OSGIN2: variants seen among roughly 807,000 people sequenced by gnomAD.
OSGIN2 encodes oxidative stress-induced growth inhibitor 2.
In OSGIN2, 19 loss-of-function variants were observed where a neutral mutation model predicts 53.8. The observed-to-expected ratio is 0.35, with a 90% confidence interval of 0.25 to 0.52. The LOEUF (loss-of-function observed/expected upper bound fraction) is 0.52, where lower values mean the gene tolerates loss of function less well. Ranked by LOEUF, OSGIN2 falls within the 20% of genes least tolerant of loss-of-function variation. The probability of loss-of-function intolerance (pLI) is 0.95; values close to 1 mark genes in which losing one functional copy is unlikely to be tolerated. For missense variants in OSGIN2, 520 were observed against 662.7 expected (o/e 0.78, Z 2.36); for synonymous variants, 236 against 236.0 (o/e 1.00, Z 0.00).
At chr8:89,914,481 A>G in intron 3 of OSGIN2, 74 bp from the exon 4 acceptor site, 1 of 1,105,772 alleles carries the variant, frequency 9.0e-7, no homozygotes, top group African/African-American at 1.6e-5. Context: ...TTGGAGCATC[A>G]TGGTAAGCAT....
rs114408839 is a variant in OSGIN2 at position 89,909,671 on chromosome 8, A to C, written c.149A>C (p.Glu50Ala). The change falls in exon 2 of 6, where the codon GAA becomes GCA. Residue 50 changes from glutamate (E) to alanine (A), a missense_variant. Transcript: ENST00000451899. ...RKVKAMPLVE[E>A]TSLLEDSSVT... ...GTTAAAGCGATGCCATTAGTTGAAG[A>C]AACTTCTTTACTGGAAGATTCGTCA... 4.3e-6 allele frequency: 7 copies of C among 1,610,982 alleles called. No individual in the cohort carries two copies. Among genetic ancestry groups the C allele is most frequent in the Non-Finnish European group, 5.1e-6 (6 of 1,177,800 alleles).
At position 89,914,652 on chromosome 8, in the gene OSGIN2, A is replaced by G; in HGVS notation, c.434A>G (p.Tyr145Cys). 1.9e-6 allele frequency: 3 copies of G among 1,613,912 alleles called. No individual in the cohort carries two copies. Among genetic ancestry groups the G allele is most frequent in the Non-Finnish European group, 2.5e-6 (3 of 1,179,778 alleles). Residue 145 changes from tyrosine (Y) to cysteine (C), a missense_variant, in exon 4 of 6, where the codon TAT becomes TGT. Physicochemically the swap from Tyr to Cys is radical, Grantham distance 194 (BLOSUM62 -2). Coordinates refer to ENST00000451899, the MANE Select transcript of OSGIN2 (RefSeq NM_001126111.3). The part of the protein sequence containing the change: ...TLLHPDADFG[Y>C]DYPSVLHWKL... Reference sequence around the variant, plus strand: ...CTTCATCCAGATGCTGACTTTGGGTATGATTATCCATCCGTTTTGCATTGG... The same window carrying G: ...CTTCATCCAGATGCTGACTTTGGGTGTGATTATCCATCCGTTTTGCATTGG...
At chr8:89,922,092 A>T (rs1809217936) in intron 5 of OSGIN2, among the ~76,000 whole-genome samples, 1 of 152,242 alleles carries the variant, frequency 6.6e-6, no homozygotes, top group Non-Finnish European at 1.5e-5. Context: ...ATCATTTTCA[A>T]GGATAGTAAA....
chr8:89,903,223 G>A (rs544301897), intron 1 of OSGIN2, among the ~76,000 whole-genome samples: 4 of 152,188 alleles, frequency 2.6e-5, no homozygotes, highest in African/African-American at 9.7e-5. Context: ...TGTAATGAGT[G>A]GAAGGAAGGT....
At chr8:89,918,313 G>C (rs1220513887) in intron 4 of OSGIN2, among the ~76,000 whole-genome samples, 1 of 151,866 alleles carries the variant, frequency 6.6e-6, no homozygotes, top group South Asian at 2.1e-4. Flanking sequence ...TGTTGTTGTT[G>C]TTTTTGAGAG....
At chr8:89,921,385 G>T (rs914079202) in intron 5 of OSGIN2, 3 of 413,486 alleles carry the variant, frequency 7.3e-6, no homozygotes, top group South Asian at 5.0e-5. Context: ...TTGCAGATTG[G>T]TTTCCTGTGA....
At chr8:89,902,553 G>T (rs1808740312), upstream of OSGIN2, 1 of 153,158 alleles carries the variant, frequency 6.5e-6, no homozygotes, top group Non-Finnish European at 1.4e-5. Context: ...CTATCGCGGC[G>T]CCCCGAGATC....
At chr8:89,918,735 T>C (rs1435638769) in intron 4 of OSGIN2, among the ~76,000 whole-genome samples, 1 of 152,216 alleles carries the variant, frequency 6.6e-6, no homozygotes, top group Non-Finnish European at 1.5e-5. Context: ...GTCCCTTCAA[T>C]TTCCTTGTCA....
intron 4 of OSGIN2, among the ~76,000 whole-genome samples, chr8:89,916,994 C>A (rs1201344299): frequency 6.6e-6 from 1 of 152,186 alleles, no homozygotes; most frequent in East Asian, 1.9e-4. Context: ...CAGACTGTCT[C>A]CAGACTGTCT....
chr8:89,918,708 A>T lies in OSGIN2; in HGVS notation c.529-2372A>T, dbSNP rs78213156. ...CTCAGACTCAACGTACCTAAAACTA[A>T]CTATCTTTATCATCAAGTCCCTTCA... On this transcript the variant is annotated intron_variant, in intron 4 of 5. Transcript: ENST00000451899. 2.8e-3 allele frequency among the ~76,000 whole-genome samples: 427 copies of T among 152,284 alleles called. 2 individuals carry two copies. The highest frequency in any genetic ancestry group is 1.0e-2 in the African/African-American group (414 of 41,552).
chr8:89,905,867 A>C (rs1760060458), intron 1 of OSGIN2, among the ~76,000 whole-genome samples: 1 of 152,242 alleles, frequency 6.6e-6, no homozygotes, highest in Admixed American at 6.5e-5. Context: ...CAACATACAA[A>C]AGTGAATTGT....
At chr8:89,903,075 T>C (rs1808760872) in intron 1 of OSGIN2, among the ~76,000 whole-genome samples, 1 of 152,164 alleles carries the variant, frequency 6.6e-6, no homozygotes, top group Non-Finnish European at 1.5e-5. Flanking sequence ...GTCACGGGAC[T>C]GCGGGATCGG....
intron 1 of OSGIN2, among the ~76,000 whole-genome samples, chr8:89,907,947 G>A (rs966455403): frequency 1.3e-5 from 2 of 152,116 alleles, no homozygotes; most frequent in Admixed American, 1.3e-4. Flanking sequence ...ATTTCATTGA[G>A]CAGTGGTTTG....
At chr8:89,914,484 G>A in intron 3 of OSGIN2, 71 bp from the exon 4 acceptor site, 1 of 1,137,130 alleles carries the variant, frequency 8.8e-7, no homozygotes, top group Non-Finnish European at 1.3e-6. Context: ...GAGCATCATG[G>A]TAAGCATTAG....
At chr8:89,907,224 T>C (rs1019668969) in intron 1 of OSGIN2, among the ~76,000 whole-genome samples, 3 of 152,186 alleles carry the variant, frequency 2.0e-5, no homozygotes, top group African/African-American at 4.8e-5. Context: ...GTTTACTCTG[T>C]TGATAGTTTC....
rs766876481 is a variant in OSGIN2 at position 89,925,551 on chromosome 8, TA to T, written c.*23del. 1.5e-5 allele frequency: 24 copies of T among 1,584,430 alleles called. No individual in the cohort carries two copies. Among genetic ancestry groups the T allele is most frequent in the Non-Finnish European group, 2.0e-5 (23 of 1,158,678 alleles). ...AGCTTAAAGCAAGTTTACAAGTAAT[TA>T]AAATGGACAGTTTGCCATTAAAGAT... On this transcript the variant is annotated 3_prime_UTR_variant, in exon 6 of 6. Transcript: ENST00000451899.
intron 2 of OSGIN2, among the ~76,000 whole-genome samples, chr8:89,910,285 A>G (rs1024869436): frequency 2.0e-5 from 3 of 152,044 alleles, no homozygotes; most frequent in African/African-American, 7.3e-5. Context: ...TATTAATAAA[A>G]CATTCAGATT....
intron 1 of OSGIN2, among the ~76,000 whole-genome samples, chr8:89,907,804 G>A (rs1184963265): frequency 1.3e-5 from 2 of 152,106 alleles, no homozygotes; most frequent in African/African-American, 4.8e-5. Flanking sequence ...GAATGTCATC[G>A]GGAGTTTAAT....
chr8:89,921,121 G>C lies in OSGIN2; in HGVS notation c.570G>C (p.Trp190Cys). 1 of 1,607,330 alleles carries C rather than the reference G, an allele frequency of 6.2e-7. No individual in the cohort carries two copies. Among genetic ancestry groups the C allele is most frequent in the South Asian group, 1.1e-5 (1 of 90,088 alleles). ...GSMLTISFGS[W>C]MELPGLKFKD... ...TGTTGACAATCAGCTTTGGAAGTTG[G>C]ATGGAACTACCTGGACTTAAATTTA... Residue 190 changes from tryptophan (W) to cysteine (C), a missense_variant, in exon 5 of 6, where the codon TGG becomes TGC. By Grantham distance (215) the Trp-to-Cys change is radical. This residue lies in a region of OSGIN2 where 203 missense variants were observed against 275.3 expected (regional missense o/e 0.74). Transcript: ENST00000451899.
Sources: gnomAD v4.1 joint callset for allele counts (sites outside exome capture counted in the v4.1 genomes callset) on GRCh38, gnomAD v4.1.1 for gene constraint, gnomAD v4.1.1 regional missense constraint, MANE v1.5 for transcripts, NCBI Gene and HGNC (gene_info 2026-07-23, HGNC 2026-07-21) for gene names.